NTRK2: variants seen among roughly 807,000 people sequenced by gnomAD.
NTRK2 encodes neurotrophic receptor tyrosine kinase 2.
A neutral mutation model predicts 94.5 loss-of-function variants in NTRK2; 13 were observed. The ratio of observed to expected loss-of-function variants is 0.14; its 90% CI spans 0.09 to 0.22. NTRK2 has a LOEUF of 0.22. Among genes scored for constraint, NTRK2 ranks in the 10% least tolerant of loss-of-function variants. The pLI is 1.00. For missense variants in NTRK2, 639 were observed against 1,071.2 expected (o/e 0.60, Z 5.63); for synonymous variants, 372 against 407.4 (o/e 0.91, Z 1.05).
intron 2 of NTRK2, among the ~76,000 whole-genome samples, chr9:84,684,571 T>C (rs1015887084): frequency 1.3e-5 from 2 of 152,176 alleles, no homozygotes; most frequent in Admixed American, 6.5e-5. Context: ...GCCAAGTTGT[T>C]TTGCAAAGAG....
intron 2 of NTRK2, among the ~76,000 whole-genome samples, chr9:84,692,358 CAA>C (rs771842498): frequency 2.6e-5 from 4 of 151,908 alleles, no homozygotes; most frequent in Non-Finnish European, 5.9e-5. Context: ...AAGAAGTTTG[CAA>C]AGTTTCCAGA....
intron 12 of NTRK2, among the ~76,000 whole-genome samples, chr9:84,781,770 AT>A (rs917719073): frequency 2.6e-5 from 4 of 152,164 alleles, no homozygotes; most frequent in African/African-American, 9.7e-5. Context: ...TCTATACTTC[AT>A]TTAAATGCAG....
intron 12 of NTRK2, among the ~76,000 whole-genome samples, chr9:84,828,817 G>T (rs2131641765): frequency 6.6e-6 from 1 of 152,242 alleles, no homozygotes; most frequent in East Asian, 1.9e-4. Flanking sequence ...GATTAAAGGG[G>T]CAGGCAAATA....
intron 12 of NTRK2, among the ~76,000 whole-genome samples, chr9:84,844,663 ACAC>A (rs1415456807): frequency 6.6e-6 from 1 of 150,960 alleles, no homozygotes; most frequent in Non-Finnish European, 1.5e-5. Context: ...ACACACACAC[ACAC>A]ACACACACAC....
At chr9:84,823,981 G>C (rs2073022323) in intron 12 of NTRK2, among the ~76,000 whole-genome samples, 1 of 152,152 alleles carries the variant, frequency 6.6e-6, no homozygotes, top group Non-Finnish European at 1.5e-5. Flanking sequence ...CCTGGGACCG[G>C]TATGGGGAAG....
At chr9:84,775,145 G>A (rs577725625) in intron 12 of NTRK2, among the ~76,000 whole-genome samples, 6 of 152,228 alleles carry the variant, frequency 3.9e-5, no homozygotes, top group African/African-American at 7.2e-5. Flanking sequence ...GAGAGAGGCC[G>A]TCTGTGCAGG....
intron 17 of NTRK2, among the ~76,000 whole-genome samples, chr9:85,017,224 C>T (rs1293425086): frequency 6.6e-6 from 1 of 152,142 alleles, no homozygotes; most frequent in Non-Finnish European, 1.5e-5. Flanking sequence ...GAAAGCCACA[C>T]CTCAAAAGCA....
intron 17 of NTRK2, 115 bp downstream of exon 17, chr9:84,955,632 C>A: frequency 1.2e-6 from 1 of 869,092 alleles, no homozygotes; most frequent in Non-Finnish European, 1.9e-6. Flanking sequence ...GCTTAAACGA[C>A]AGACATGTGT....
At chr9:84,808,196 G>A (rs142708145) in intron 12 of NTRK2, among the ~76,000 whole-genome samples, 168 of 152,302 alleles carry the variant, frequency 1.1e-3, no homozygotes, top group Non-Finnish European at 2.1e-3. Context: ...CAGTAGAACC[G>A]TCATCTGGCA....
chr9:84,744,911 T>C (rs1258487858), intron 10 of NTRK2, 62 bp from the exon 11 acceptor site: 2 of 1,106,820 alleles, frequency 1.8e-6, no homozygotes, highest in African/African-American at 1.5e-5. Context: ...TGTGGCCCTG[T>C]GTTTGTTGGC....
At chr9:84,926,165 C>CTTTCTTTCTTT (rs2077786173) in intron 14 of NTRK2, among the ~76,000 whole-genome samples, 39 of 48,342 alleles carry the variant, frequency 8.1e-4, no homozygotes, top group East Asian at 1.1e-3. Context: ...TTCCTTCCTT[C>CTTTCTTTCTTT]CTTCCTTTCT....
At chr9:84,901,831 T>G (rs962501020) in intron 14 of NTRK2, among the ~76,000 whole-genome samples, 2 of 152,206 alleles carry the variant, frequency 1.3e-5, no homozygotes, top group East Asian at 3.9e-4. Flanking sequence ...CAAAACTCAC[T>G]AGAGTCACCT....
Position 85,023,697 on chromosome 9 carries a change from G to A in NTRK2, c.*2260G>A, listed in dbSNP as rs1436984157. The A allele has an allele frequency of 4.3e-6, 1 of 230,004 alleles. No homozygotes were observed. Among genetic ancestry groups the A allele is most frequent in the Non-Finnish European group, 8.6e-6 (1 of 116,208 alleles). The allele number at this position is 230,004 out of a possible 1,614,324, so 14.2% of individuals were successfully genotyped here. On this transcript the variant is annotated 3_prime_UTR_variant, in exon 19 of 19. Coordinates refer to ENST00000277120, the MANE Select transcript of NTRK2 (RefSeq NM_006180.6). ...CATGTGCATGTATGTATCATATTAA[G>A]GACCCATGGTACTCTTAAAACACTG... is the stretch of plus-strand genomic sequence containing the variant.
intron 12 of NTRK2, among the ~76,000 whole-genome samples, chr9:84,765,143 C>G (rs548119189): frequency 6.6e-6 from 1 of 152,100 alleles, no homozygotes; most frequent in Admixed American, 6.6e-5. Context: ...ACTGTCTGAT[C>G]GCACAACAGA....
chr9:84,727,741 C>T lies in NTRK2; in HGVS notation c.941C>T (p.Ala314Val), dbSNP rs763671078. 9.9e-6 allele frequency: 16 copies of T among 1,614,080 alleles called. No individual in the cohort carries two copies. In the East Asian group the frequency reaches 2.0e-4, roughly 20 times the overall value. ...ACTGTGAAAGGCAACCCCAAACCAG[C>T]GCTTCAGTGGTTCTATAACGGGGCA... Reference protein sequence around the residue: ...PFTVKGNPKPALQWFYNGAIL... With the variant: ...PFTVKGNPKPVLQWFYNGAIL... Residue 314 changes from alanine (A) to valine (V), a missense_variant, in exon 9 of 19, where the codon GCG (alanine) becomes GTG (valine). This residue lies in a region of NTRK2 where 343 missense variants were observed against 571.5 expected (regional missense o/e 0.60). Coordinates refer to ENST00000277120, the MANE Select transcript of NTRK2 (RefSeq NM_006180.6).
intron 12 of NTRK2, among the ~76,000 whole-genome samples, chr9:84,759,546 C>A (rs2065369463): frequency 6.6e-6 from 1 of 152,180 alleles, no homozygotes; most frequent in Non-Finnish European, 1.5e-5. Context: ...ACTTTCCATG[C>A]TAGTATTTTC....
intron 17 of NTRK2, among the ~76,000 whole-genome samples, chr9:84,992,600 A>T (rs968839599): frequency 6.6e-6 from 1 of 151,738 alleles, no homozygotes; most frequent in African/African-American, 2.4e-5. Flanking sequence ...AACAGAACCT[A>T]ATAAATATTT....
chr9:84,685,375 T>C (rs1321192348), intron 2 of NTRK2, among the ~76,000 whole-genome samples: 4 of 151,960 alleles, frequency 2.6e-5, no homozygotes, highest in African/African-American at 9.7e-5. Flanking sequence ...CTTTTTTTTT[T>C]TTTCTACTTG....
At chr9:84,977,393 C>CA (rs958584155) in intron 17 of NTRK2, among the ~76,000 whole-genome samples, 9 of 152,016 alleles carry the variant, frequency 5.9e-5, no homozygotes, top group African/African-American at 9.6e-5. Flanking sequence ...CACAAAAATG[C>CA]AAAAAAACAT....
Sources: gnomAD v4.1 joint callset for allele counts (sites outside exome capture counted in the v4.1 genomes callset) on GRCh38, gnomAD v4.1.1 for gene constraint, gnomAD v4.1.1 regional missense constraint, MANE v1.5 for transcripts, NCBI Gene and HGNC (gene_info 2026-07-23, HGNC 2026-07-21) for gene names.